Variants in RBPJ observed in about 807,000 individuals in gnomAD.
RBPJ encodes recombining binding protein suppressor of hairless.
A neutral mutation model predicts 67.8 loss-of-function variants in RBPJ; 9 were observed. The observed-to-expected ratio is 0.13, with a 90% CI of 0.08 to 0.23. RBPJ has a LOEUF of 0.23. Ranked by LOEUF, RBPJ falls within the 10% of genes least tolerant of loss-of-function variation. The pLI, the probability that RBPJ is intolerant of heterozygous loss-of-function variation, is 1.00. For synonymous variants in RBPJ, 198 were observed against 203.3 expected (o/e 0.97, Z 0.22); for missense variants, 305 against 595.6 (o/e 0.51, Z 5.08).
chr4:26,273,427 G>A (rs1210926373), intron 1 of RBPJ, among the ~76,000 whole-genome samples: 2 of 152,256 alleles, frequency 1.3e-5, no homozygotes, highest in East Asian at 3.8e-4. Context: ...CGACCTCCCA[G>A]AGGGCGAGAT....
intron 2 of RBPJ, among the ~76,000 whole-genome samples, chr4:26,405,104 T>C (rs1733259627): frequency 6.6e-6 from 1 of 152,208 alleles, no homozygotes. Context: ...AATGCTGTTA[T>C]TAGGTTATCT....
intron 1 of RBPJ, among the ~76,000 whole-genome samples, chr4:26,255,584 C>T (rs13121241): frequency 0.6 from 89,518 of 148,878 alleles, 28,864 homozygotes; most frequent in East Asian, 0.81. Context: ...GGGCGGATCA[C>T]GAGGTCGGGA....
upstream of RBPJ, among the ~76,000 whole-genome samples, chr4:26,314,885 G>A (rs763724675): frequency 2.6e-5 from 4 of 151,858 alleles, no homozygotes; most frequent in Non-Finnish European, 5.9e-5. Context: ...GGTGGCTCAC[G>A]CCTGTAATCT....
chr4:26,176,939 T>C (rs1314583546), intron 1 of RBPJ, among the ~76,000 whole-genome samples: 1 of 152,224 alleles, frequency 6.6e-6, no homozygotes, highest in Non-Finnish European at 1.5e-5. Flanking sequence ...GCTGCAGTCA[T>C]AGGGTGAGGG....
chr4:26,362,423 T>A, intron 1 of RBPJ: 1 of 1,396,224 alleles, frequency 7.2e-7, no homozygotes, highest in Non-Finnish European at 9.4e-7. Flanking sequence ...CTTAAGGCCT[T>A]ATTTTTTGTT....
chr4:26,313,084 A>G (rs1417290172), intron 1 of RBPJ, among the ~76,000 whole-genome samples: 2 of 152,084 alleles, frequency 1.3e-5, no homozygotes, highest in Non-Finnish European at 2.9e-5. Context: ...CACCATGCCC[A>G]GCTAATTTTT....
chr4:26,160,415 G>T (rs867324565), upstream of RBPJ, among the ~76,000 whole-genome samples: 12 of 152,114 alleles, frequency 7.9e-5, no homozygotes, highest in South Asian at 2.1e-4. Flanking sequence ...AAATACCAAA[G>T]GACAACTGGT....
intron 1 of RBPJ, among the ~76,000 whole-genome samples, chr4:26,212,432 CTTTT>C (rs370447105): frequency 4.5e-5 from 5 of 112,212 alleles, no homozygotes; most frequent in East Asian, 2.5e-4. Flanking sequence ...CTTTTCTTTT[CTTTT>C]TTTTTTTTTT....
Position 26,285,432 on chromosome 4 carries a change from C to T in RBPJ, c.-166-77014C>T, listed in dbSNP as rs1451207723. 3.3e-5 allele frequency among the ~76,000 whole-genome samples: 5 copies of T among 152,072 alleles called. 1 individual carries two copies. ...CTCTACCCCATTTCATTCCTGCCAC[C>T]TCTAGTATAAGAACAACTATCTACA... On this transcript the variant is annotated intron_variant, in intron 1 of 4. Coordinates refer to the RBPJ transcript ENST00000512351.
At chr4:26,200,121 T>C (rs1005616209) in intron 1 of RBPJ, among the ~76,000 whole-genome samples, 3 of 152,242 alleles carry the variant, frequency 2.0e-5, no homozygotes, top group African/African-American at 7.2e-5. Context: ...GTGGGAGGTG[T>C]GTTTGCCAAT....
the RBPJ span, among the ~76,000 whole-genome samples, chr4:26,121,823 C>T: frequency 6.7e-6 from 1 of 150,292 alleles, no homozygotes; most frequent in South Asian, 2.1e-4. Flanking sequence ...CACCCAGAAG[C>T]AATTAAGATT....
At chr4:26,202,273 A>C (rs1247879309) in intron 1 of RBPJ, among the ~76,000 whole-genome samples, 1 of 151,976 alleles carries the variant, frequency 6.6e-6, no homozygotes, top group Non-Finnish European at 1.5e-5. Context: ...AGACAACCAG[A>C]TTTGCTGTGG....
At chr4:26,351,543 G>A (rs974553661) in intron 1 of RBPJ, among the ~76,000 whole-genome samples, 1 of 152,074 alleles carries the variant, frequency 6.6e-6, no homozygotes, top group African/African-American at 2.4e-5. Flanking sequence ...ACCACACCTG[G>A]CTAATTTTTG....
chr4:26,343,477 A>T (rs1560280527), intron 1 of RBPJ, among the ~76,000 whole-genome samples: 1 of 152,192 alleles, frequency 6.6e-6, no homozygotes, highest in Non-Finnish European at 1.5e-5. Context: ...TTTCCAGCTT[A>T]TACATATGAA....
chr4:26,248,764 C>A lies in RBPJ; in HGVS notation c.-167+85150C>A, dbSNP rs145416365. Among the ~76,000 whole-genome samples the A allele has an allele frequency of 4.8e-3, 734 of 152,202 alleles. 4 individuals are homozygous for A. The highest frequency in any genetic ancestry group is 8.8e-3 in the Admixed American group (134 of 15,274). Reference sequence around the variant, plus strand: ...ATGGGAGAGAGGAGTCAGTAAGAATCTGATATATCCAAGATGTCAGATTAA... The same window carrying A: ...ATGGGAGAGAGGAGTCAGTAAGAATATGATATATCCAAGATGTCAGATTAA... On this transcript the variant is annotated intron_variant, in intron 1 of 4. Coordinates refer to the RBPJ transcript ENST00000512351.
At chr4:26,404,306 C>A (rs77586248) in intron 2 of RBPJ, among the ~76,000 whole-genome samples, 1 of 152,006 alleles carries the variant, frequency 6.6e-6, no homozygotes. Flanking sequence ...ACAGTTTGCA[C>A]GTATTTCCTC....
At chr4:26,245,744 T>C (rs1719908026) in intron 1 of RBPJ, among the ~76,000 whole-genome samples, 1 of 152,214 alleles carries the variant, frequency 6.6e-6, no homozygotes, top group Non-Finnish European at 1.5e-5. Flanking sequence ...TCTTTATTCT[T>C]GTGTGACGTA....
the RBPJ span, among the ~76,000 whole-genome samples, chr4:26,139,694 G>A: frequency 6.6e-6 from 1 of 152,168 alleles, no homozygotes; most frequent in Non-Finnish European, 1.5e-5. Context: ...GGGCCACAGG[G>A]GCCTCTGTTT....
intron 1 of RBPJ, among the ~76,000 whole-genome samples, chr4:26,242,954 C>G (rs75181788): frequency 0.03 from 4,554 of 152,172 alleles, 186 homozygotes; most frequent in African/African-American, 0.09. Flanking sequence ...TTTAAAAGCG[C>G]GGTGGCTCAT....
Sources: gnomAD v4.1 joint callset for allele counts (sites outside exome capture counted in the v4.1 genomes callset) on GRCh38, gnomAD v4.1.1 for gene constraint, MANE v1.5 for transcripts, NCBI Gene and HGNC (gene_info 2026-07-23, HGNC 2026-07-21) for gene names.